The following RABGAP1L variants were observed in gnomAD, a reference collection of about 807,000 sequenced individuals.
The protein encoded by RABGAP1L is RAB GTPase activating protein 1 like.
RABGAP1L carries 63 observed loss-of-function variants against 137.7 expected under a neutral mutation model. The observed-to-expected ratio is 0.46, with a 90% confidence interval of 0.37 to 0.56. The LOEUF (loss-of-function observed/expected upper bound fraction) is 0.56, where lower values mean the gene tolerates loss of function less well. Ranked by LOEUF, RABGAP1L falls within the 20% of genes least tolerant of loss-of-function variation. The pLI is 0.00. For missense variants in RABGAP1L, 1,095 were observed against 1,244.0 expected (o/e 0.88, Z 1.80); for synonymous variants, 431 against 433.7 (o/e 0.99, Z 0.08).
chr1:174,612,290 C>T (rs183691610), intron 13 of RABGAP1L, among the ~76,000 whole-genome samples: 31,882 of 152,100 alleles, frequency 0.21, 3,686 homozygotes, highest in Admixed American at 0.25. Flanking sequence ...TGTCAAAGGC[C>T]TTTTCTGCAT....
intron 1 of RABGAP1L, among the ~76,000 whole-genome samples, chr1:174,176,713 G>GGAAAA (rs1232596038): frequency 4.6e-4 from 10 of 21,550 alleles, no homozygotes; most frequent in African/African-American, 1.3e-3. Context: ...CCCTTTTTCA[G>GGAAAA]AAAAAAAAAA....
In RABGAP1L at chr1:174,761,199, T is replaced by C. The variant is rs1323017486; in HGVS notation, c.2211+8845T>C. Among the ~76,000 whole-genome samples, 1 of 152,218 alleles carries C rather than the reference T, an allele frequency of 6.6e-6. No homozygotes were observed. The highest frequency in any genetic ancestry group is 1.9e-4 in the East Asian group (1 of 5,198). ...AGCAGACAAAGAGAGAGGGCTTGTG[T>C]AGGGAAACTCTTGTTTTTATTTATT... On this transcript the variant is annotated intron_variant, in intron 18 of 25. Transcript: ENST00000681986. The surrounding 1 kb of genome is among the most constrained non-coding windows in gnomAD (Gnocchi z 4.0).
intron 14 of RABGAP1L, among the ~76,000 whole-genome samples, chr1:174,667,688 C>A (rs1676885428): frequency 6.6e-6 from 1 of 152,166 alleles, no homozygotes; most frequent in South Asian, 2.1e-4. Flanking sequence ...GAAATTAAGA[C>A]AACATCACCT....
chr1:174,798,307 T>C (rs1209786500), intron 18 of RABGAP1L, among the ~76,000 whole-genome samples: 1 of 150,562 alleles, frequency 6.6e-6, no homozygotes, highest in Non-Finnish European at 1.5e-5. Context: ...CTCGGGAGGC[T>C]GAGACAGGAG....
chr1:174,892,262 C>T (rs777032127), intron 19 of RABGAP1L, among the ~76,000 whole-genome samples: 4 of 152,214 alleles, frequency 2.6e-5, no homozygotes, highest in South Asian at 2.1e-4. Flanking sequence ...GAACTCAGCC[C>T]GGGACACAGC....
At chr1:174,767,095 C>G (rs995122755) in intron 18 of RABGAP1L, among the ~76,000 whole-genome samples, 1 of 152,194 alleles carries the variant, frequency 6.6e-6, no homozygotes, top group African/African-American at 2.4e-5. Context: ...CCTTTCTGGA[C>G]CAAACCAATG....
At chr1:174,890,947 T>C (rs1656040194) in intron 19 of RABGAP1L, among the ~76,000 whole-genome samples, 1 of 152,260 alleles carries the variant, frequency 6.6e-6, no homozygotes, top group African/African-American at 2.4e-5. Flanking sequence ...AGTAATCTTA[T>C]ATAACATTTC....
intron 11 of RABGAP1L, among the ~76,000 whole-genome samples, chr1:174,332,555 C>T (rs1681124415): frequency 6.6e-6 from 1 of 152,108 alleles, no homozygotes; most frequent in Non-Finnish European, 1.5e-5. Flanking sequence ...ACCACCACGC[C>T]TGGCTAATTT....
At chr1:174,349,008 GCGCCCC>G (rs1682733173) in intron 11 of RABGAP1L, among the ~76,000 whole-genome samples, 2 of 148,830 alleles carry the variant, frequency 1.3e-5, no homozygotes, top group South Asian at 2.2e-4. Flanking sequence ...CCGGGCAGAG[GCGCCCC>G]TCACCTCCCG....
At chr1:174,325,932 G>A (rs1361488420) in intron 11 of RABGAP1L, among the ~76,000 whole-genome samples, 1 of 152,248 alleles carries the variant, frequency 6.6e-6, no homozygotes, top group Non-Finnish European at 1.5e-5. Flanking sequence ...TGGCCTAGGG[G>A]CCCTTCAGGG....
chr1:174,949,905 T>A (rs1458006975), intron 19 of RABGAP1L, among the ~76,000 whole-genome samples: 1 of 152,240 alleles, frequency 6.6e-6, no homozygotes, highest in Non-Finnish European at 1.5e-5. Flanking sequence ...CAGCTTATAC[T>A]AGAATGTGGC....
At chr1:174,399,804 C>T (rs375308365) in intron 13 of RABGAP1L, among the ~76,000 whole-genome samples, 8 of 152,046 alleles carry the variant, frequency 5.3e-5, no homozygotes, top group African/African-American at 1.2e-4. Flanking sequence ...CATCAGATCT[C>T]GTGGGAACTC....
At chr1:174,553,155 A>G (rs1183651928) in intron 13 of RABGAP1L, among the ~76,000 whole-genome samples, 1 of 152,156 alleles carries the variant, frequency 6.6e-6, no homozygotes, top group African/African-American at 2.4e-5. Flanking sequence ...AGTTTGCACA[A>G]ATTTTCTCCC....
In RABGAP1L at chr1:174,994,833, C is replaced by A. The variant is rs1234549745; in HGVS notation, c.*4832C>A. On this transcript the variant is annotated 3_prime_UTR_variant, in exon 26 of 26. Transcript: ENST00000681986. Reference sequence around the variant, plus strand: ...CTTTCTAACTCCTACCTTTCCCTTGCAGAGGAGGTAGTAGAGATTCTGGAA... The same window carrying A: ...CTTTCTAACTCCTACCTTTCCCTTGAAGAGGAGGTAGTAGAGATTCTGGAA... The A allele has an allele frequency of 6.6e-6, 1 of 152,212 alleles. No homozygotes were observed. The highest frequency in any genetic ancestry group is 1.5e-5 in the Non-Finnish European group (1 of 68,042). 9.4% of individuals were successfully genotyped at this position (152,212 alleles called of 1,614,324 possible). A position where few individuals can be genotyped will look rare whatever the true frequency, so the allele number is the denominator to read the frequency against.
chr1:174,285,099 C>T (rs1295303244), intron 10 of RABGAP1L, among the ~76,000 whole-genome samples: 1 of 152,074 alleles, frequency 6.6e-6, no homozygotes, highest in African/African-American at 2.4e-5. Flanking sequence ...TCACTGCAAC[C>T]TCTGCCTCCC....
At chr1:174,194,438 G>A (rs150446574) in intron 1 of RABGAP1L, among the ~76,000 whole-genome samples, 3 of 152,158 alleles carry the variant, frequency 2.0e-5, no homozygotes, top group African/African-American at 7.2e-5. Context: ...GTTTCACCAT[G>A]TTGGCCATGC....
intron 17 of RABGAP1L, among the ~76,000 whole-genome samples, chr1:174,702,606 A>T (rs1483776754): frequency 6.6e-6 from 1 of 152,170 alleles, no homozygotes; most frequent in African/African-American, 2.4e-5. Flanking sequence ...ATATTAATGC[A>T]GTTATACTGC....
chr1:174,581,118 C>G (rs1668716071), intron 13 of RABGAP1L, among the ~76,000 whole-genome samples: 1 of 152,170 alleles, frequency 6.6e-6, no homozygotes, highest in African/African-American at 2.4e-5. Context: ...CTGACACTTC[C>G]TCAAAAGATT....
rs1019463566 is a variant in RABGAP1L, at chr1:174,927,382, A to T, written c.2341-30075A>T. Among the ~76,000 whole-genome samples, 5 of 152,154 alleles carry T rather than the reference A, an allele frequency of 3.3e-5. No homozygotes were observed. The East Asian group carries it at 9.6e-4, about 29-fold the overall frequency. ...ATTTTTATCCTGTAATATGTGAATT[A>T]TAGTAATATTTCTTCTTCTTTTTTT... On this transcript the variant is annotated intron_variant, in intron 19 of 25. Transcript: ENST00000681986.
Sources: gnomAD v4.1 joint callset for allele counts (sites outside exome capture counted in the v4.1 genomes callset) on GRCh38, gnomAD v4.1.1 for gene constraint, Gnocchi (gnomAD v3.1) non-coding constraint, MANE v1.5 for transcripts, NCBI Gene and HGNC (gene_info 2026-07-23, HGNC 2026-07-21) for gene names.